ASB17: variants seen among roughly 807,000 people sequenced by gnomAD.
ASB17 encodes the protein ankyrin repeat and SOCS box containing 17, also known as ankyrin repeat and SOCS box protein 17.
ASB17 carries 26 observed loss-of-function variants against 25.7 expected under a neutral mutation model. The observed-to-expected ratio is 1.01, with a 90% CI of 0.74 to 1.40. The LOEUF (loss-of-function observed/expected upper bound fraction) is 1.40. ASB17 is among the 40% of genes most tolerant of loss of function. The probability of loss-of-function intolerance (pLI) is 0.00; values close to 1 mark genes in which losing one functional copy is unlikely to be tolerated. For synonymous variants in ASB17, 128 were observed against 121.4 expected (o/e 1.05, Z -0.36); for missense variants, 326 against 338.5 (o/e 0.96, Z 0.29).
At position 75,918,960 on chromosome 1, in the gene ASB17, C is replaced by A. The variant is rs973978281; in HGVS notation, c.880G>T (p.Glu294Ter). Residue 294 changes from glutamate to a stop codon, truncating the protein, a stop_gained, in exon 3 of 3, where the codon GAA (glutamate) becomes TAA (stop). Coordinates refer to ENST00000284142, the MANE Select transcript of ASB17 (RefSeq NM_080868.3). LOFTEE classifies it high-confidence loss of function. ...PARLQNYLNL[E>*]I ...TAGGACACTGACGTATGTTAGATTT[C>A]TAAATTCAGATAGTTTTGTAGACGA... 1.2e-6 allele frequency: 2 copies of A among 1,609,064 alleles called. No homozygotes were observed. Among genetic ancestry groups the A allele is most frequent in the African/African-American group, 2.7e-5 (2 of 74,786 alleles).
rs1254137490 is a variant in ASB17 at position 75,931,961 on chromosome 1, C to T, written c.331G>A (p.Val111Met). 2.5e-6 allele frequency: 4 copies of T among 1,613,866 alleles called. No homozygotes were observed. Among genetic ancestry groups the T allele is most frequent in the Non-Finnish European group, 3.4e-6 (4 of 1,179,902 alleles). The change falls in exon 1 of 3, where the codon GTG becomes ATG. Residue 111 changes from valine to methionine, a missense_variant. Val to Met is a conservative substitution (Grantham distance 21). Coordinates refer to ENST00000284142, the MANE Select transcript of ASB17 (RefSeq NM_080868.3). ...TTTGTCTTCTTGAGAAGCAATTCCA[C>T]AAAGTCAGGATTACCTTTTCTGGCA... ...VFARKGNPDFVELLLKKTKDY... is the reference protein window; with the variant it reads ...VFARKGNPDFMELLLKKTKDY...
At chr1:75,931,612 T>C (rs1441066814) in intron 1 of ASB17, among the ~76,000 whole-genome samples, 1 of 152,146 alleles carries the variant, frequency 6.6e-6, no homozygotes, top group Non-Finnish European at 1.5e-5. Context: ...CACAACATAG[T>C]GTCTTTGTTT....
chr1:75,932,262 C>T lies in ASB17; in HGVS notation c.30G>A (p.Lys10=), dbSNP rs1040146112. 2 of 1,611,532 alleles carry T rather than the reference C, an allele frequency of 1.2e-6. No individual in the cohort carries two copies. The highest frequency in any genetic ancestry group is 1.7e-5 in the Admixed American group (1 of 59,706). The change falls in exon 1 of 3, where the codon AAG becomes AAA. Residue 10 remains lysine (K), a synonymous_variant. Transcript: ENST00000284142. The part of the protein sequence containing the change: MSKSTKLCG[K]TSCPRSNIFC... Reference sequence around the variant, plus strand: ...ATATATTGCTTCTTGGACAAGAAGTCTTACCACATAATTTAGTAGATTTAC... The same window carrying T: ...ATATATTGCTTCTTGGACAAGAAGTTTTACCACATAATTTAGTAGATTTAC...
chr1:75,922,224 GA>G lies in ASB17; in HGVS notation c.536del (p.Ile179ThrfsTer5), dbSNP rs951106482. 3 of 1,613,634 alleles carry G rather than the reference GA, an allele frequency of 1.9e-6. No homozygotes were observed. In the African/African-American group the frequency reaches 4.0e-5, roughly 22 times the overall value. On this transcript the variant is annotated frameshift_variant, in exon 2 of 3. Coordinates refer to ENST00000284142, the MANE Select transcript of ASB17 (RefSeq NM_080868.3). LOFTEE classifies it high-confidence loss of function. ...AGAGTACTATTGTTAAGACAATGTTGATAGGGTTTTTTTCTCTTTCTAAGAT... is the reference window on the plus strand; with the variant it reads ...AGAGTACTATTGTTAAGACAATGTTGTAGGGTTTTTTTCTCTTTCTAAGAT... ...YGILEREKNP[I>X]NIVLTIVLYP...
At chr1:75,924,088 A>G (rs1396723356) in intron 1 of ASB17, among the ~76,000 whole-genome samples, 3 of 152,106 alleles carry the variant, frequency 2.0e-5, no homozygotes, top group East Asian at 1.9e-4. Context: ...CATTTCCTAT[A>G]GGTTATCCAG....
rs1406413072 is a variant in ASB17, at chr1:75,919,024, A to G, written c.816T>C (p.Asn272=). The G allele has an allele frequency of 2.5e-5, 40 of 1,612,672 alleles. No individual in the cohort carries two copies. The highest frequency in any genetic ancestry group is 3.3e-5 in the Non-Finnish European group (39 of 1,179,004). The change falls in exon 3 of 3, where the codon AAT becomes AAC. Residue 272 remains asparagine (N), a synonymous_variant. Transcript: ENST00000284142. ...LTIRNQLLTN[N]MLPDGIFSLL... ...GTGAAAATATTCCATCTGGGAGCAT[A>G]TTGTTGGTTAATAGTTGATTCCTGA...
Position 75,931,833 on chromosome 1 carries a change from T to C in ASB17, c.401+58A>G, listed in dbSNP as rs1392242243. 7 of 1,464,860 alleles carry C rather than the reference T, an allele frequency of 4.8e-6. No individual in the cohort carries two copies. In the East Asian group the frequency reaches 1.6e-4, roughly 34 times the overall value. The allele number at this position is 1,464,860 out of a possible 1,614,324, so 90.7% of individuals were successfully genotyped here. On this transcript the variant is annotated intron_variant, in intron 1 of 2. Coordinates refer to ENST00000284142, the MANE Select transcript of ASB17 (RefSeq NM_080868.3). ...TGTGAGTTTTAGAAAAAAGAAGCACTCTACTCTCGTAAAGATAAATTTTCT... is the reference window on the plus strand; with the variant it reads ...TGTGAGTTTTAGAAAAAAGAAGCACCCTACTCTCGTAAAGATAAATTTTCT...
intron 1 of ASB17, among the ~76,000 whole-genome samples, chr1:75,923,730 G>A (rs1042121818): frequency 6.6e-6 from 1 of 152,178 alleles, no homozygotes; most frequent in Admixed American, 6.5e-5. Flanking sequence ...ATGGGAGGCA[G>A]CATGGTATAA....
chr1:75,920,341 C>T (rs1372549256), intron 2 of ASB17, among the ~76,000 whole-genome samples: 2 of 152,178 alleles, frequency 1.3e-5, no homozygotes, highest in African/African-American at 4.8e-5. Context: ...AGAACATATA[C>T]TCCACAGGCT....
chr1:75,918,920 C>A lies in ASB17; in HGVS notation c.*32G>T. On this transcript the variant is annotated 3_prime_UTR_variant, in exon 3 of 3. Transcript: ENST00000284142. ...AACTTCTAAGCCATACATTGGTAAG[C>A]ATTGTTAAGGAACTTAGGACACTGA... The A allele has an allele frequency of 6.5e-7, 1 of 1,538,394 alleles. No individual in the cohort carries two copies. The highest frequency in any genetic ancestry group is 9.0e-7 in the Non-Finnish European group (1 of 1,111,714).
intron 1 of ASB17, among the ~76,000 whole-genome samples, chr1:75,923,738 T>C (rs1653092844): frequency 6.6e-6 from 1 of 152,200 alleles, no homozygotes; most frequent in Non-Finnish European, 1.5e-5. Flanking sequence ...CAGCATGGTA[T>C]AAACAATAGA....
chr1:75,924,575 T>A (rs2792665), intron 1 of ASB17, among the ~76,000 whole-genome samples: 145,992 of 152,112 alleles, frequency 0.96, 70,348 homozygotes, highest in East Asian at 1. Flanking sequence ...ATATATATGT[T>A]TGTATATACA....
intron 2 of ASB17, 31 bp downstream of exon 2, chr1:75,922,049 G>C (rs1449727728): frequency 3.2e-6 from 5 of 1,543,304 alleles, no homozygotes; most frequent in Non-Finnish European, 4.4e-6. Context: ...ACTAATATTT[G>C]AGCCCATTTT....
rs753624936 is a variant in ASB17, at chr1:75,932,220, G to T, written c.72C>A (p.Asp24Glu). 1 of 1,613,910 alleles carries T rather than the reference G, an allele frequency of 6.2e-7. No homozygotes were observed. Residue 24 changes from aspartate to glutamate, a missense_variant, in exon 1 of 3, where the codon GAC becomes GAA. Transcript: ENST00000284142. Reference protein sequence around the residue: ...PRSNIFCNLLDKIVKRPSLQF... With the variant: ...PRSNIFCNLLEKIVKRPSLQF... ...GTAGGGAGGGTCTTTTAACAATTTT[G>T]TCAAGGAGATTGCAGAATATATTGC...
chr1:75,932,125 C>T lies in ASB17; in HGVS notation c.167G>A (p.Arg56Lys). The stretch of plus-strand genomic sequence containing the variant: ...GTCAAAACCATCCAAGTCCACATAC[C>T]TCAGAATTTTTGCCAGTGATCTGTA... ...RIYRSLAKIL[R>K]YVDLDGFDAL... is the part of the protein sequence containing the mutation. Residue 56 changes from arginine to lysine, a missense_variant, in exon 1 of 3, where the codon AGG (arginine) becomes AAG (lysine). Arg to Lys is a conservative substitution (Grantham distance 26). Coordinates refer to ENST00000284142, the MANE Select transcript of ASB17 (RefSeq NM_080868.3). The T allele has an allele frequency of 6.2e-7, 1 of 1,614,086 alleles. No individual in the cohort carries two copies. The highest frequency in any genetic ancestry group is 8.5e-7 in the Non-Finnish European group (1 of 1,179,994).
intron 1 of ASB17, among the ~76,000 whole-genome samples, chr1:75,930,337 T>A (rs1394987411): frequency 2.8e-5 from 4 of 145,384 alleles, no homozygotes; most frequent in Non-Finnish European, 4.5e-5. Flanking sequence ...CATATAAATA[T>A]AAATATATGT....
chr1:75,931,806 C>T lies in ASB17; in HGVS notation c.401+85G>A. On this transcript the variant is annotated intron_variant, in intron 1 of 2. Transcript: ENST00000284142. ...CCTTACTTCACATATAGCCACTATA[C>T]ATGTGAGTTTTAGAAAAAAGAAGCA... 3.2e-6 allele frequency: 4 copies of T among 1,250,244 alleles called. No homozygotes were observed. In the South Asian group the frequency reaches 4.9e-5, roughly 15 times the overall value. 77.4% of individuals were successfully genotyped at this position (1,250,244 alleles called of 1,614,324 possible).
intron 2 of ASB17, among the ~76,000 whole-genome samples, chr1:75,919,730 G>A (rs1652978626): frequency 6.6e-6 from 1 of 152,104 alleles, no homozygotes; most frequent in Non-Finnish European, 1.5e-5. Context: ...CCTTTTTTAT[G>A]GCTGCATAGT....
chr1:75,925,002 A>G (rs1274791029), intron 1 of ASB17, among the ~76,000 whole-genome samples: 1 of 152,122 alleles, frequency 6.6e-6, no homozygotes, highest in African/African-American at 2.4e-5. Context: ...CTCTTCTTCA[A>G]AATAAATGGA....
Sources: allele counts gnomAD v4.1 joint callset (sites outside exome capture counted in the v4.1 genomes callset), GRCh38; gene constraint gnomAD v4.1.1; transcripts MANE v1.5; gene names NCBI Gene and HGNC (gene_info 2026-07-23, HGNC 2026-07-21).